Variants in DPP10 observed in about 807,000 individuals in gnomAD.
DPP10 encodes dipeptidyl peptidase like 10, also known as inactive dipeptidyl peptidase 10.
Under a neutral mutation model 120.9 loss-of-function variants are expected in DPP10, and 33 were observed. The ratio of observed to expected loss-of-function variants is 0.27; its 90% CI spans 0.21 to 0.37. DPP10 has a LOEUF of 0.37. DPP10 is among the 10% of genes least tolerant of loss of function. The pLI, the probability that DPP10 is intolerant of heterozygous loss-of-function variation, is 1.00. For synonymous variants in DPP10, 337 were observed against 326.1 expected (o/e 1.03, Z -0.36); for missense variants, 816 against 942.8 (o/e 0.87, Z 1.76).
chr2:115,556,649 A>G (rs149561931), intron 5 of DPP10, among the ~76,000 whole-genome samples: 82 of 152,232 alleles, frequency 5.4e-4, no homozygotes, highest in African/African-American at 1.9e-3. Context: ...CACCCGTTCT[A>G]TGCATTACAC....
intron 1 of DPP10, among the ~76,000 whole-genome samples, chr2:115,160,412 A>AAG (rs2052222431): frequency 6.6e-6 from 1 of 152,342 alleles, no homozygotes; most frequent in African/African-American, 2.4e-5. Flanking sequence ...CTACTAAGGC[A>AAG]AGAGGACAGC....
chr2:114,844,271 G>A (rs1215297173), intron 1 of DPP10, among the ~76,000 whole-genome samples: 3 of 151,994 alleles, frequency 2.0e-5, no homozygotes, highest in Admixed American at 6.6e-5. Flanking sequence ...TGTGATTTCT[G>A]CTAATGCCCA....
intron 1 of DPP10, among the ~76,000 whole-genome samples, chr2:114,800,860 C>T (rs1053312313): frequency 5.3e-5 from 8 of 151,432 alleles, no homozygotes; most frequent in Middle Eastern, 3.4e-3. Flanking sequence ...TCAGTGACAA[C>T]CAAGGAAATC....
intron 1 of DPP10, among the ~76,000 whole-genome samples, chr2:115,154,105 A>AGT (rs1274752162): frequency 5.3e-5 from 8 of 151,774 alleles, no homozygotes; most frequent in Admixed American, 2.6e-4. Flanking sequence ...TCCTTTTGGC[A>AGT]GTATATATAG....
chr2:115,294,426 T>C (rs78928836), intron 1 of DPP10, among the ~76,000 whole-genome samples: 120 of 152,016 alleles, frequency 7.9e-4, no homozygotes, highest in African/African-American at 2.9e-3. Flanking sequence ...TTTTTGTTTT[T>C]TGTTTTTGTT....
intron 3 of DPP10, among the ~76,000 whole-genome samples, chr2:115,465,955 T>A (rs1176067359): frequency 6.6e-6 from 1 of 152,214 alleles, no homozygotes; most frequent in Non-Finnish European, 1.5e-5. Context: ...TTCATAATAA[T>A]TTGCCTTTTT....
chr2:114,558,793 G>A (rs975010316), intron 1 of DPP10, among the ~76,000 whole-genome samples: 1 of 152,148 alleles, frequency 6.6e-6, no homozygotes, highest in East Asian at 1.9e-4. Context: ...CTCCTCCCAT[G>A]CTATAAGCAT....
intron 5 of DPP10, among the ~76,000 whole-genome samples, chr2:115,568,642 C>T (rs1256010775): frequency 6.7e-6 from 1 of 148,768 alleles, no homozygotes; most frequent in East Asian, 2.0e-4. Context: ...CGTACTTGGT[C>T]GTTATTCTAA....
intron 1 of DPP10, among the ~76,000 whole-genome samples, chr2:115,188,790 G>C (rs1031752809): frequency 2.0e-5 from 3 of 151,584 alleles, no homozygotes; most frequent in Non-Finnish European, 4.4e-5. Flanking sequence ...CCTTGACCCA[G>C]CAATCACACT....
At chr2:114,711,876 A>G (rs1701051725) in intron 1 of DPP10, among the ~76,000 whole-genome samples, 1 of 152,256 alleles carries the variant, frequency 6.6e-6, no homozygotes, top group Non-Finnish European at 1.5e-5. Context: ...CTTCATGTAT[A>G]CAAGACTGCT....
At chr2:115,131,377 T>C (rs959350371) in intron 1 of DPP10, among the ~76,000 whole-genome samples, 1 of 151,838 alleles carries the variant, frequency 6.6e-6, no homozygotes, top group Non-Finnish European at 1.5e-5. Flanking sequence ...GCCAGGCATA[T>C]TGATATGTGT....
chr2:115,637,130 G>GA (rs906560443), intron 5 of DPP10, among the ~76,000 whole-genome samples: 20 of 150,444 alleles, frequency 1.3e-4, no homozygotes, highest in South Asian at 6.3e-4. Flanking sequence ...AATGTAAACA[G>GA]AAAAAAAAAT....
At chr2:115,286,499 TATA>T (rs2105901341) in intron 1 of DPP10, among the ~76,000 whole-genome samples, 1 of 54,222 alleles carries the variant, frequency 1.8e-5, no homozygotes, top group Admixed American at 2.5e-4. Context: ...ATAATATATA[TATA>T]TTACATATAT....
At chr2:115,262,952 A>G (rs1319231207) in intron 1 of DPP10, among the ~76,000 whole-genome samples, 3 of 152,166 alleles carry the variant, frequency 2.0e-5, no homozygotes, top group Non-Finnish European at 4.4e-5. Flanking sequence ...TAAGCATCCT[A>G]CATTTATACC....
chr2:115,402,550 T>C (rs1271081889), intron 3 of DPP10, among the ~76,000 whole-genome samples: 14 of 150,410 alleles, frequency 9.3e-5, no homozygotes, highest in Admixed American at 1.3e-4. Context: ...AAGAAATGGA[T>C]AAATTCCTAG....
chr2:115,152,660 T>G (rs1233475678), intron 1 of DPP10, among the ~76,000 whole-genome samples: 1 of 152,224 alleles, frequency 6.6e-6, no homozygotes, highest in Non-Finnish European at 1.5e-5. Context: ...ATTATGTCTA[T>G]TCAGTTCAAT....
intron 8 of DPP10, among the ~76,000 whole-genome samples, chr2:115,730,823 G>C (rs2092888693): frequency 6.6e-6 from 1 of 152,148 alleles, no homozygotes; most frequent in Non-Finnish European, 1.5e-5. Context: ...AAAGGAAAAA[G>C]TATAGTTTTT....
At chr2:115,166,329 G>C (rs568159634) in intron 1 of DPP10, among the ~76,000 whole-genome samples, 7 of 150,786 alleles carry the variant, frequency 4.6e-5, no homozygotes, top group Admixed American at 4.0e-4. Context: ...ATATTACTTC[G>C]AATTATTCAA....
chr2:115,329,739 T>C (rs1214788565), intron 2 of DPP10, among the ~76,000 whole-genome samples: 3 of 152,092 alleles, frequency 2.0e-5, no homozygotes, highest in East Asian at 1.9e-4. Context: ...TTCCAGCTTC[T>C]TCCATGTCCC....
Sources: allele counts gnomAD v4.1 joint callset (sites outside exome capture counted in the v4.1 genomes callset), GRCh38; gene constraint gnomAD v4.1.1; transcripts MANE v1.5; gene names NCBI Gene and HGNC (gene_info 2026-07-23, HGNC 2026-07-21).